Variants in HEPHL1 observed in about 807,000 individuals in gnomAD.
The protein encoded by HEPHL1 is ferroxidase HEPHL1.
In HEPHL1, 123 loss-of-function variants were observed where a neutral mutation model predicts 122.0. The observed-to-expected ratio is 1.01, with a 90% CI of 0.87 to 1.17. The LOEUF (loss-of-function observed/expected upper bound fraction) is 1.17, where lower values mean the gene tolerates loss of function less well. Ranked by LOEUF, HEPHL1 falls within the 50% of genes most tolerant of loss-of-function variation. The pLI is 0.00. For synonymous variants in HEPHL1, 527 were observed against 508.9 expected (o/e 1.04, Z -0.48); for missense variants, 1,452 against 1,430.5 (o/e 1.01, Z -0.24).
intron 2 of HEPHL1, among the ~76,000 whole-genome samples, chr11:94,052,227 C>T (rs1945896536): frequency 6.6e-6 from 1 of 151,978 alleles, no homozygotes; most frequent in Non-Finnish European, 1.5e-5. Context: ...AACATTTTAA[C>T]AATATTGATT....
In HEPHL1 at chr11:94,088,982, C is replaced by A; in HGVS notation, c.2294+14C>A. The A allele has an allele frequency of 6.2e-7, 1 of 1,612,256 alleles. No homozygotes were observed. The highest frequency in any genetic ancestry group is 8.5e-7 in the Non-Finnish European group (1 of 1,178,414). ...AAGAGGGGAAAGGTACCACAGGCGC[C>A]GCCGCTAGGGCTCCTCGGTGGGATC... On this transcript the variant is annotated intron_variant, in intron 12 of 19. Transcript: ENST00000315765.
At chr11:94,074,530 C>A (rs1565355463) in intron 8 of HEPHL1, among the ~76,000 whole-genome samples, 1 of 152,226 alleles carries the variant, frequency 6.6e-6, no homozygotes, top group East Asian at 1.9e-4. Flanking sequence ...ACATACTGGG[C>A]ACCTTTTTGC....
intron 1 of HEPHL1, among the ~76,000 whole-genome samples, chr11:94,022,822 G>A (rs1945593080): frequency 6.6e-6 from 1 of 152,230 alleles, no homozygotes; most frequent in South Asian, 2.1e-4. Context: ...TACAAATAGA[G>A]CTCTGCTATT....
intron 1 of HEPHL1, among the ~76,000 whole-genome samples, chr11:94,037,250 G>A (rs1945734230): frequency 6.6e-6 from 1 of 152,074 alleles, no homozygotes; most frequent in Admixed American, 6.5e-5. Flanking sequence ...TGCTAGCACA[G>A]CAGTCTGAGA....
chr11:94,099,052 G>A (rs192246123), intron 13 of HEPHL1, among the ~76,000 whole-genome samples: 1 of 152,212 alleles, frequency 6.6e-6, no homozygotes, highest in Non-Finnish European at 1.5e-5. Context: ...TCTGTTGCTG[G>A]CTAGGAGCTG....
intron 5 of HEPHL1, among the ~76,000 whole-genome samples, chr11:94,069,962 T>C (rs1406160532): frequency 1.3e-5 from 2 of 152,190 alleles, no homozygotes; most frequent in African/African-American, 4.8e-5. Context: ...CTGAGAATTA[T>C]TAGTCTTTCT....
intron 2 of HEPHL1, among the ~76,000 whole-genome samples, chr11:94,049,390 T>A (rs1200945815): frequency 1.3e-5 from 2 of 151,742 alleles, no homozygotes; most frequent in Non-Finnish European, 2.9e-5. Context: ...ACTTATACAC[T>A]CTTGGTGGCA....
At chr11:94,052,536 T>C (rs1194591223) in intron 2 of HEPHL1, among the ~76,000 whole-genome samples, 1 of 152,074 alleles carries the variant, frequency 6.6e-6, no homozygotes, top group Non-Finnish European at 1.5e-5. Context: ...TTTTTCCAAA[T>C]GTAAGATTAT....
intron 1 of HEPHL1, among the ~76,000 whole-genome samples, chr11:94,037,861 C>T (rs577847964): frequency 5.3e-5 from 8 of 151,902 alleles, no homozygotes; most frequent in Non-Finnish European, 8.8e-5. Context: ...CGGAACAAAG[C>T]TGGATGGAGA....
intron 3 of HEPHL1, 82 bp downstream of exon 3, chr11:94,063,802 C>T (rs1946009495): frequency 1.7e-6 from 2 of 1,163,196 alleles, no homozygotes; most frequent in East Asian, 4.7e-5. Flanking sequence ...TCCTTTGCTC[C>T]ACACAGAATG....
At chr11:94,103,452 G>T (rs1033999589) in intron 15 of HEPHL1, among the ~76,000 whole-genome samples, 4 of 152,122 alleles carry the variant, frequency 2.6e-5, no homozygotes, top group Non-Finnish European at 5.9e-5. Context: ...TACAATTTAT[G>T]TATGGTTTTG....
At chr11:94,034,532 C>A (rs956912326) in intron 1 of HEPHL1, among the ~76,000 whole-genome samples, 4 of 152,114 alleles carry the variant, frequency 2.6e-5, no homozygotes, top group Non-Finnish European at 4.4e-5. Flanking sequence ...ATGAAGCTAA[C>A]AAAGATTCAT....
intron 9 of HEPHL1, among the ~76,000 whole-genome samples, chr11:94,081,358 A>G (rs1946169041): frequency 6.6e-6 from 1 of 152,226 alleles, no homozygotes. Flanking sequence ...CTTAATACCT[A>G]GGTGACAGGT....
intron 9 of HEPHL1, 139 bp downstream of exon 9, chr11:94,075,524 A>C: frequency 1.6e-6 from 1 of 634,470 alleles, no homozygotes; most frequent in Non-Finnish European, 2.7e-6. Context: ...TACATAATGG[A>C]GATTTTATTT....
intron 10 of HEPHL1, among the ~76,000 whole-genome samples, chr11:94,085,009 G>T (rs1430637403): frequency 6.6e-6 from 1 of 152,144 alleles, no homozygotes; most frequent in Non-Finnish European, 1.5e-5. Context: ...TTGACAATGG[G>T]ATTATAACAG....
At chr11:94,085,011 T>C (rs925048741) in intron 10 of HEPHL1, among the ~76,000 whole-genome samples, 2 of 152,224 alleles carry the variant, frequency 1.3e-5, no homozygotes, top group African/African-American at 4.8e-5. Flanking sequence ...GACAATGGGA[T>C]TATAACAGAA....
At chr11:94,045,624 G>A (rs1311039351) in intron 1 of HEPHL1, 49 bp from the exon 2 acceptor site, 9 of 1,485,832 alleles carry the variant, frequency 6.1e-6, no homozygotes, top group African/African-American at 4.2e-5. Context: ...TAAGCTATTA[G>A]GTCTTCTCTT....
At chr11:94,097,946 T>A (rs58965645) in intron 13 of HEPHL1, among the ~76,000 whole-genome samples, 2 of 150,298 alleles carry the variant, frequency 1.3e-5, no homozygotes, top group Non-Finnish European at 3.0e-5. Flanking sequence ...TACAGCACAC[T>A]GATGGGTCTT....
chr11:94,099,280 C>G (rs1208363768), intron 13 of HEPHL1, among the ~76,000 whole-genome samples: 1 of 152,204 alleles, frequency 6.6e-6, no homozygotes, highest in African/African-American at 2.4e-5. Context: ...GAGGTCCACT[C>G]TGGACCCTGT....
Sources: gnomAD v4.1 joint callset for allele counts (sites outside exome capture counted in the v4.1 genomes callset) on GRCh38, gnomAD v4.1.1 for gene constraint, MANE v1.5 for transcripts, NCBI Gene and HGNC (gene_info 2026-07-23, HGNC 2026-07-21) for gene names.